Variants in TXNRD1 observed in about 807,000 individuals in gnomAD.
TXNRD1 encodes thioredoxin reductase 1, cytoplasmic.
TXNRD1 carries 57 observed loss-of-function variants against 80.3 expected under a neutral mutation model. The ratio of observed to expected loss-of-function variants is 0.71; its 90% CI spans 0.57 to 0.89. The LOEUF (loss-of-function observed/expected upper bound fraction) is 0.89. Ranked by LOEUF, TXNRD1 falls within the 40% of genes least tolerant of loss-of-function variation. The pLI, the probability that TXNRD1 is intolerant of heterozygous loss-of-function variation, is 0.00. For synonymous variants in TXNRD1, 291 were observed against 285.2 expected (o/e 1.02, Z -0.20); for missense variants, 730 against 803.0 (o/e 0.91, Z 1.10).
chr12:104,310,114 T>C, intron 4 of TXNRD1: 2 of 1,475,012 alleles, frequency 1.4e-6, no homozygotes, highest in Non-Finnish European at 1.8e-6. Flanking sequence ...GTTTGGGGGC[T>C]TTTTTTTGTT....
chr12:104,293,836 T>C (rs1374948287), intron 4 of TXNRD1, among the ~76,000 whole-genome samples: 3 of 152,096 alleles, frequency 2.0e-5, no homozygotes, highest in East Asian at 3.9e-4. Context: ...TGCACTATTA[T>C]TTATTGGATA....
intron 4 of TXNRD1, among the ~76,000 whole-genome samples, chr12:104,309,414 G>T (rs1278427229): frequency 6.6e-6 from 1 of 152,186 alleles, no homozygotes; most frequent in Non-Finnish European, 1.5e-5. Context: ...GTAAACATTG[G>T]TGAAGGGAAT....
At chr12:104,319,617 A>G in intron 9 of TXNRD1, 32 bp downstream of exon 9, 1 of 1,478,800 alleles carries the variant, frequency 6.8e-7, no homozygotes, top group South Asian at 1.2e-5. Context: ...GAAAAGAAAA[A>G]CCCATTGTGG....
At position 104,303,965 on chromosome 12, in the gene TXNRD1, G is replaced by A. The variant is rs1387806467; in HGVS notation, c.415-7325G>A. 6.2e-7 allele frequency: 1 copy of A among 1,603,870 alleles called. No individual in the cohort carries two copies. The highest frequency in any genetic ancestry group is 1.3e-5 in the African/African-American group (1 of 74,994). ...GATGGATGTGTCAGTGAGGGCCGCG[G>A]GCTGCTCCGACGACCTCAGCTCTGG... On this transcript the variant is annotated intron_variant, in intron 4 of 16. Transcript: ENST00000525566.
intron 4 of TXNRD1, among the ~76,000 whole-genome samples, chr12:104,291,323 C>T (rs1486241428): frequency 6.6e-6 from 1 of 150,846 alleles, no homozygotes; most frequent in East Asian, 1.9e-4. Context: ...GCCTCAGCCT[C>T]CCGAGTAGCT....
At chr12:104,283,294 C>T (rs2033914386) in intron 3 of TXNRD1, among the ~76,000 whole-genome samples, 1 of 151,918 alleles carries the variant, frequency 6.6e-6, no homozygotes, top group Non-Finnish European at 1.5e-5. Flanking sequence ...TCTTGTTGTC[C>T]AGGCTGGAGT....
chr12:104,331,266 C>T (rs2035938030), intron 13 of TXNRD1, among the ~76,000 whole-genome samples: 1 of 152,090 alleles, frequency 6.6e-6, no homozygotes, highest in Non-Finnish European at 1.5e-5. Flanking sequence ...TTGTTGATAA[C>T]ATCAGTTGGT....
At chr12:104,247,794 G>C (rs1399238371) in intron 1 of TXNRD1, among the ~76,000 whole-genome samples, 1 of 152,192 alleles carries the variant, frequency 6.6e-6, no homozygotes, top group Non-Finnish European at 1.5e-5. Flanking sequence ...CCTTGGCATA[G>C]ATGTTATGTA....
chr12:104,284,365 C>G (rs141466123), intron 3 of TXNRD1: 12 of 152,290 alleles, frequency 7.9e-5, no homozygotes, highest in African/African-American at 2.9e-4. Flanking sequence ...GACTGAGAAG[C>G]TTGGACTTCA....
At chr12:104,289,749 AAAC>A (rs1408860346) in intron 4 of TXNRD1, among the ~76,000 whole-genome samples, 1 of 152,034 alleles carries the variant, frequency 6.6e-6, no homozygotes, top group African/African-American at 2.4e-5. Context: ...TAAAAAAAAA[AAAC>A]AGTCTTGCTC....
chr12:104,276,372 G>A (rs1029373571), intron 3 of TXNRD1, among the ~76,000 whole-genome samples: 1 of 152,202 alleles, frequency 6.6e-6, no homozygotes, highest in African/African-American at 2.4e-5. Context: ...TGTACCTGAC[G>A]ACTTGAGCCT....
At chr12:104,218,442 C>A (rs1483420504) in intron 1 of TXNRD1, among the ~76,000 whole-genome samples, 2 of 152,048 alleles carry the variant, frequency 1.3e-5, no homozygotes, top group African/African-American at 2.4e-5. Flanking sequence ...TTCCAGTACC[C>A]CAGGAGCCCC....
At chr12:104,259,525 C>G (rs2033320956) in intron 3 of TXNRD1, among the ~76,000 whole-genome samples, 2 of 135,022 alleles carry the variant, frequency 1.5e-5, no homozygotes, top group African/African-American at 5.7e-5. Flanking sequence ...GAGTTTCGCT[C>G]TTGTTGCCCA....
At chr12:104,241,033 G>A (rs1340961117) in intron 1 of TXNRD1, among the ~76,000 whole-genome samples, 3 of 149,970 alleles carry the variant, frequency 2.0e-5, no homozygotes. Context: ...GAGTCACTGC[G>A]CCCAGTTTTT....
chr12:104,304,136 G>C lies in TXNRD1; in HGVS notation c.415-7154G>C, dbSNP rs771530548. On this transcript the variant is annotated intron_variant, in intron 4 of 16. Coordinates refer to ENST00000525566, the MANE Select transcript of TXNRD1 (RefSeq NM_001093771.3). The stretch of plus-strand genomic sequence containing the variant: ...GAGCTCGGCGAACAACTCCTTAACC[G>C]AGGCTCTGGAGGAAGCCAACGTCCT... The C allele has an allele frequency of 1.7e-5, 27 of 1,613,938 alleles. No homozygotes were observed. In the African/African-American group the frequency reaches 2.0e-4, roughly 12 times the overall value.
intron 3 of TXNRD1, chr12:104,287,366 G>A (rs200466846): frequency 1.2e-6 from 2 of 1,614,064 alleles, no homozygotes; most frequent in Non-Finnish European, 1.7e-6. Context: ...GCCGGCGCCT[G>A]TAGGCTGGCG....
intron 1 of TXNRD1, among the ~76,000 whole-genome samples, chr12:104,229,904 A>G (rs910716279): frequency 6.6e-6 from 1 of 151,394 alleles, no homozygotes; most frequent in Non-Finnish European, 1.5e-5. Flanking sequence ...TTTTATTTCT[A>G]TTTTAACCAC....
chr12:104,291,075 C>T (rs985142558), intron 4 of TXNRD1: 6 of 683,668 alleles, frequency 8.8e-6, no homozygotes, highest in Non-Finnish European at 1.3e-5. Flanking sequence ...TCCTAAAGTG[C>T]TGGGACTGCA....
chr12:104,340,709 G>A (rs779563852), intron 16 of TXNRD1, among the ~76,000 whole-genome samples: 3 of 152,072 alleles, frequency 2.0e-5, no homozygotes, highest in Non-Finnish European at 4.4e-5. Context: ...CATTGGATTA[G>A]GGCCCACTCT....
Sources: allele counts gnomAD v4.1 joint callset (sites outside exome capture counted in the v4.1 genomes callset), GRCh38; gene constraint gnomAD v4.1.1; transcripts MANE v1.5; gene names NCBI Gene and HGNC (gene_info 2026-07-23, HGNC 2026-07-21).